YES1: variants seen among roughly 807,000 people sequenced by gnomAD.
YES1 encodes the protein tyrosine-protein kinase Yes.
Under a neutral mutation model 70.4 loss-of-function variants are expected in YES1, and 39 were observed. The observed-to-expected ratio is 0.55, with a 90% CI of 0.43 to 0.72. The LOEUF (loss-of-function observed/expected upper bound fraction) is 0.72, where lower values mean the gene tolerates loss of function less well. Among genes scored for constraint, YES1 ranks in the 30% least tolerant of loss-of-function variants. The pLI is 0.00. For synonymous variants in YES1, 198 were observed against 218.6 expected, an observed-to-expected ratio of 0.91 and a Z score of 0.83; for missense variants, 495 against 644.8, an observed-to-expected ratio of 0.77 and a Z score of 2.52.
chr18:723,143 TGGA>T lies in YES1; in HGVS notation c.*1278_*1280del, dbSNP rs2079979534. The T allele has an allele frequency of 6.6e-6, 1 of 152,248 alleles. No individual in the cohort carries two copies. Among genetic ancestry groups the T allele is most frequent in the Non-Finnish European group, 1.5e-5 (1 of 68,048 alleles). 9.4% of individuals were successfully genotyped at this position (152,248 alleles called of 1,614,324 possible). The stretch of plus-strand genomic sequence containing the variant: ...GTAGATTCAAACATGATTTGAAAAC[TGGA>T]GTTCTAAAAATGTTTTACATAAAAA... On this transcript the variant is annotated 3_prime_UTR_variant, in exon 12 of 12. Coordinates refer to ENST00000314574, the MANE Select transcript of YES1 (RefSeq NM_005433.4).
intron 1 of YES1, among the ~76,000 whole-genome samples, chr18:788,419 C>A (rs1906074740): frequency 6.6e-6 from 1 of 152,098 alleles, no homozygotes; most frequent in African/African-American, 2.4e-5. Context: ...ACCCTAAAAT[C>A]ATTGTTTAAA....
At chr18:801,417 T>C (rs7241568) in intron 1 of YES1, among the ~76,000 whole-genome samples, 2,185 of 152,304 alleles carry the variant, frequency 0.014, 47 homozygotes, top group African/African-American at 0.05. Context: ...TCACTTCCTC[T>C]AGAAGTATAG....
chr18:747,392 C>T (rs1176723559), intron 4 of YES1, among the ~76,000 whole-genome samples: 1 of 152,152 alleles, frequency 6.6e-6, no homozygotes, highest in Non-Finnish European at 1.5e-5. Flanking sequence ...TTGCTTGAGC[C>T]TGGGAGGTAG....
chr18:753,289 T>C (rs1186939134), intron 2 of YES1, among the ~76,000 whole-genome samples: 1 of 152,160 alleles, frequency 6.6e-6, no homozygotes, highest in African/African-American at 2.4e-5. Context: ...GCATCACATA[T>C]CATTTTTGTG....
At chr18:743,453 C>A in intron 6 of YES1, 38 bp from the exon 7 acceptor site, 1 of 1,545,606 alleles carries the variant, frequency 6.5e-7, no homozygotes. Flanking sequence ...ATATCAATTA[C>A]AAAAATTAAG....
intron 1 of YES1, among the ~76,000 whole-genome samples, chr18:767,144 T>TATTA (rs1904948757): frequency 6.6e-6 from 1 of 152,182 alleles, no homozygotes; most frequent in Non-Finnish European, 1.5e-5. Flanking sequence ...TATATTATAA[T>TATTA]AGTCTTACAT....
chr18:792,227 C>T (rs1277951882), intron 1 of YES1, among the ~76,000 whole-genome samples: 1 of 151,824 alleles, frequency 6.6e-6, no homozygotes, highest in Admixed American at 6.6e-5. Flanking sequence ...TTGTTTCAAC[C>T]CAGGAGGCAG....
intron 1 of YES1, among the ~76,000 whole-genome samples, chr18:781,074 C>G (rs1291233426): frequency 6.6e-6 from 1 of 152,006 alleles, no homozygotes; most frequent in Non-Finnish European, 1.5e-5. Context: ...TTGAAACCAG[C>G]CTGGCCAACA....
chr18:729,338 C>T (rs574624290), intron 11 of YES1, among the ~76,000 whole-genome samples: 18 of 152,062 alleles, frequency 1.2e-4, no homozygotes, highest in African/African-American at 4.3e-4. Flanking sequence ...TCGCTGGAAC[C>T]TGGGAGGCGG....
In YES1 at chr18:760,945, A is replaced by C. The variant is rs953547605; in HGVS notation, c.-8-4110T>G. Among the ~76,000 whole-genome samples the C allele has an allele frequency of 3.3e-5, 5 of 152,316 alleles. No homozygotes were observed. The East Asian group carries it at 7.7e-4, about 23-fold the overall frequency. On this transcript the variant is annotated intron_variant, in intron 1 of 11. Transcript: ENST00000314574. ...ATACAGACAACTCTTATGCATGAAA[A>C]GAAAAAGTCCAACAGAAAAACATGA...
chr18:804,630 A>AAG (rs1906996917), intron 1 of YES1, among the ~76,000 whole-genome samples: 1 of 135,406 alleles, frequency 7.4e-6, no homozygotes, highest in Admixed American at 7.5e-5. Context: ...AAAAAAAAAA[A>AAG]GGCCAGCTGA....
At chr18:758,519 TTC>T (rs1392032895) in intron 1 of YES1, among the ~76,000 whole-genome samples, 3 of 152,212 alleles carry the variant, frequency 2.0e-5, no homozygotes, top group African/African-American at 7.2e-5. Context: ...CATTTTGGGT[TTC>T]TTTTTCCCCC....
At chr18:732,797 T>A in intron 11 of YES1, 37 bp downstream of exon 11, 1 of 1,613,766 alleles carries the variant, frequency 6.2e-7, no homozygotes, top group Non-Finnish European at 8.5e-7. Context: ...ATAAAGCCAC[T>A]CATGAGATAA....
At chr18:806,367 TA>T (rs1907097133) in intron 1 of YES1, among the ~76,000 whole-genome samples, 3 of 152,216 alleles carry the variant, frequency 2.0e-5, no homozygotes, top group Non-Finnish European at 2.9e-5. Context: ...AAGGACTGCT[TA>T]AGCTATTTTG....
Position 722,754 on chromosome 18 carries a change from A to G in YES1, c.*1670T>C, listed in dbSNP as rs1192668930. The G allele has an allele frequency of 6.6e-6, 1 of 152,214 alleles. No homozygotes were observed. Among genetic ancestry groups the G allele is most frequent in the Non-Finnish European group, 1.5e-5 (1 of 68,042 alleles). 9.4% of individuals were successfully genotyped at this position (152,214 alleles called of 1,614,324 possible). A position where few individuals can be genotyped will look rare whatever the true frequency, so the allele number is the denominator to read the frequency against. On this transcript the variant is annotated 3_prime_UTR_variant, in exon 12 of 12. Transcript: ENST00000314574. Reference sequence around the variant, plus strand: ...TTTTCCTCCCCAAATCAACCATTTAATGTATTCTAAAAGGGAAAAAATGAC... The same window carrying G: ...TTTTCCTCCCCAAATCAACCATTTAGTGTATTCTAAAAGGGAAAAAATGAC...
chr18:790,064 T>TAAATA (rs1470861609), intron 1 of YES1, among the ~76,000 whole-genome samples: 1 of 151,754 alleles, frequency 6.6e-6, no homozygotes, highest in Admixed American at 6.6e-5. Flanking sequence ...CTCATAAAAA[T>TAAATA]AAATAAAATA....
At chr18:789,237 T>A (rs1906116285) in intron 1 of YES1, among the ~76,000 whole-genome samples, 2 of 152,170 alleles carry the variant, frequency 1.3e-5, no homozygotes. Context: ...TATTAAAATA[T>A]TCATGACCCA....
intron 1 of YES1, among the ~76,000 whole-genome samples, chr18:766,168 T>C (rs1358087212): frequency 6.6e-6 from 1 of 152,184 alleles, no homozygotes; most frequent in East Asian, 1.9e-4. Context: ...TCAGTGCCTA[T>C]CCAGCCCTAC....
At chr18:742,864 A>G (rs547798212) in intron 8 of YES1, 54 bp downstream of exon 8, 1 of 1,438,166 alleles carries the variant, frequency 7.0e-7, no homozygotes, top group East Asian at 2.3e-5. Context: ...CATACAAATC[A>G]AGACTCTTAA....
Sources: gnomAD v4.1 joint callset for allele counts (sites outside exome capture counted in the v4.1 genomes callset) on GRCh38, gnomAD v4.1.1 for gene constraint, MANE v1.5 for transcripts, NCBI Gene and HGNC (gene_info 2026-07-23, HGNC 2026-07-21) for gene names.